ZMAT3: variants seen among roughly 807,000 people sequenced by gnomAD.
The protein encoded by ZMAT3 is zinc finger matrin-type protein 3.
In ZMAT3, 17 loss-of-function variants were observed where a neutral mutation model predicts 32.3. That is an observed-to-expected ratio of 0.53 (90% CI 0.36 to 0.79). ZMAT3 has a LOEUF of 0.79. Among genes scored for constraint, ZMAT3 ranks in the 30% least tolerant of loss-of-function variants. The pLI, the probability that ZMAT3 is intolerant of heterozygous loss-of-function variation, is 0.00. For synonymous variants in ZMAT3, 120 were observed against 133.1 expected (o/e 0.90, Z 0.68); for missense variants, 329 against 359.7 (o/e 0.91, Z 0.69).
chr3:179,039,205 G>A (rs528971805), intron 2 of ZMAT3, among the ~76,000 whole-genome samples: 17 of 152,244 alleles, frequency 1.1e-4, no homozygotes, highest in Non-Finnish European at 2.2e-4. Flanking sequence ...GAAGAGAGCA[G>A]TGGTTCTCCC....
chr3:179,035,037 C>T (rs1431520566), intron 2 of ZMAT3, among the ~76,000 whole-genome samples: 1 of 152,190 alleles, frequency 6.6e-6, no homozygotes, highest in East Asian at 1.9e-4. Context: ...TCATTATAAA[C>T]CCAAGTAATA....
chr3:179,070,835 G>C lies in ZMAT3; in HGVS notation c.-58+760C>G, dbSNP rs118116940. ...GTACCCTGTTTAAAGAAAATTAATT[G>C]TCATAGCATACTTAGTTTTAATGAT... On this transcript the variant is annotated intron_variant, in intron 1 of 5. Coordinates refer to ENST00000311417, the MANE Select transcript of ZMAT3 (RefSeq NM_022470.4). Among the ~76,000 whole-genome samples, 1,386 of 152,256 alleles carry C rather than the reference G, an allele frequency of 9.1e-3. 34 individuals are homozygous for C. The highest frequency in any genetic ancestry group is 0.09 in the East Asian group (466 of 5,182).
intron 2 of ZMAT3, among the ~76,000 whole-genome samples, chr3:179,037,394 C>G (rs889768221): frequency 6.6e-6 from 1 of 152,182 alleles, no homozygotes; most frequent in Non-Finnish European, 1.5e-5. Context: ...ACCCACATTC[C>G]CCTCATCTAG....
At chr3:179,026,064 T>C (rs1190996172) in intron 5 of ZMAT3, among the ~76,000 whole-genome samples, 1 of 152,230 alleles carries the variant, frequency 6.6e-6, no homozygotes, top group Admixed American at 6.5e-5. Flanking sequence ...TGTTTCACTG[T>C]AGGAATTTTT....
chr3:179,057,687 C>A (rs917679164), intron 2 of ZMAT3, among the ~76,000 whole-genome samples: 11 of 152,208 alleles, frequency 7.2e-5, no homozygotes, highest in African/African-American at 2.7e-4. Context: ...ATACTTACGG[C>A]TAAAATTATC....
At chr3:179,055,205 C>A (rs1249015504) in intron 2 of ZMAT3, among the ~76,000 whole-genome samples, 1 of 152,158 alleles carries the variant, frequency 6.6e-6, no homozygotes, top group Non-Finnish European at 1.5e-5. Flanking sequence ...CAATGTGACA[C>A]TCAGACGCTA....
chr3:179,053,230 G>A (rs1364704848), intron 2 of ZMAT3, among the ~76,000 whole-genome samples: 1 of 149,870 alleles, frequency 6.7e-6, no homozygotes, highest in East Asian at 1.9e-4. Flanking sequence ...AAATTCTATA[G>A]ATATAAAATA....
intron 5 of ZMAT3, among the ~76,000 whole-genome samples, chr3:179,027,083 T>C (rs1287506116): frequency 6.6e-6 from 1 of 152,220 alleles, no homozygotes; most frequent in Non-Finnish European, 1.5e-5. Context: ...TTAGAATCTT[T>C]TCTTTAACAT....
intron 2 of ZMAT3, among the ~76,000 whole-genome samples, chr3:179,047,108 T>G (rs1248263085): frequency 1.3e-5 from 2 of 151,986 alleles, no homozygotes; most frequent in African/African-American, 4.8e-5. Context: ...TCCACTTCAC[T>G]CCCCGGCTAC....
chr3:179,055,655 T>C (rs1015831393), intron 2 of ZMAT3, among the ~76,000 whole-genome samples: 7 of 152,180 alleles, frequency 4.6e-5, no homozygotes, highest in Non-Finnish European at 5.9e-5. Context: ...CCTTTTTCTC[T>C]CTCAGACTTA....
chr3:179,067,719 G>A lies in ZMAT3; in HGVS notation c.34C>T (p.Pro12Ser), dbSNP rs1343003863. Residue 12 changes from proline to serine, a missense_variant, in exon 2 of 6, where the codon CCT becomes TCT. Pro to Ser is a moderately conservative substitution (Grantham distance 74). Transcript: ENST00000311417. ...GGAGGCGAGGGTGAGGGCTGCTTAGGTGGAGGAAGCACGGCGTGTTGCAAG... is the reference window on the plus strand; with the variant it reads ...GGAGGCGAGGGTGAGGGCTGCTTAGATGGAGGAAGCACGGCGTGTTGCAAG... ...ILLQHAVLPP[P>S]KQPSPSPPMS... is the part of the protein sequence containing the mutation. 1 of 1,614,066 alleles carries A rather than the reference G, an allele frequency of 6.2e-7. No homozygotes were observed. Among genetic ancestry groups the A allele is most frequent in the African/African-American group, 1.3e-5 (1 of 74,936 alleles).
At chr3:179,057,245 A>G (rs1256332734) in intron 2 of ZMAT3, among the ~76,000 whole-genome samples, 8 of 152,202 alleles carry the variant, frequency 5.3e-5, no homozygotes, top group African/African-American at 9.7e-5. Context: ...AGGATTATCA[A>G]TGAGGCTGCT....
At chr3:179,057,726 C>T (rs1458981668) in intron 2 of ZMAT3, among the ~76,000 whole-genome samples, 8 of 152,312 alleles carry the variant, frequency 5.3e-5, no homozygotes, top group East Asian at 1.9e-4. Flanking sequence ...CAGTGAGGAA[C>T]GTATCCAGCC....
In ZMAT3 at chr3:179,019,567, T is replaced by C. The variant is rs1171611188; in HGVS notation, c.*5450A>G. Reference sequence around the variant, plus strand: ...TACTGCAAAGTTTTTTCAACTTTGATATATGTCTGAAAATTTTCTTGAGAA... The same window carrying C: ...TACTGCAAAGTTTTTTCAACTTTGACATATGTCTGAAAATTTTCTTGAGAA... On this transcript the variant is annotated 3_prime_UTR_variant, in exon 6 of 6. Transcript: ENST00000311417. 2.0e-5 allele frequency: 3 copies of C among 152,182 alleles called. No homozygotes were observed. The East Asian group carries it at 5.8e-4, about 29-fold the overall frequency. The allele number at this position is 152,182 out of a possible 1,614,324, so 9.4% of individuals were successfully genotyped here. A position where few individuals can be genotyped will look rare whatever the true frequency, so the allele number is the denominator to read the frequency against.
intron 2 of ZMAT3, among the ~76,000 whole-genome samples, chr3:179,032,658 C>T (rs568705832): frequency 4.6e-5 from 7 of 152,082 alleles, no homozygotes; most frequent in East Asian, 3.9e-4. Context: ...GCCGCGACCC[C>T]GTCTGGGAAC....
intron 2 of ZMAT3, among the ~76,000 whole-genome samples, chr3:179,056,625 C>G (rs1390754232): frequency 1.3e-5 from 2 of 152,188 alleles, no homozygotes; most frequent in Non-Finnish European, 2.9e-5. Flanking sequence ...CGAGCGCCAG[C>G]CCATGCCATC....
At chr3:179,058,755 CAAAAAA>C (rs56006230) in intron 2 of ZMAT3, among the ~76,000 whole-genome samples, 10 of 68,226 alleles carry the variant, frequency 1.5e-4, no homozygotes, top group African/African-American at 2.1e-4. Context: ...GACTCCGTCT[CAAAAAA>C]AAAAAAAAAA....
At chr3:179,031,636 G>A (rs548373647) in intron 2 of ZMAT3, among the ~76,000 whole-genome samples, 9 of 152,158 alleles carry the variant, frequency 5.9e-5, no homozygotes, top group East Asian at 5.8e-4. Flanking sequence ...GGCTGGGTGC[G>A]GTGGCTCATG....
chr3:179,042,562 T>A (rs1052929123), intron 2 of ZMAT3, among the ~76,000 whole-genome samples: 2 of 152,204 alleles, frequency 1.3e-5, no homozygotes, highest in Admixed American at 6.5e-5. Context: ...TAGGTATTGA[T>A]GGAACGTATC....
Sources: gnomAD v4.1 joint callset for allele counts (sites outside exome capture counted in the v4.1 genomes callset) on GRCh38, gnomAD v4.1.1 for gene constraint, MANE v1.5 for transcripts, NCBI Gene and HGNC (gene_info 2026-07-23, HGNC 2026-07-21) for gene names.